ADCY2: variants seen among roughly 807,000 people sequenced by gnomAD.
ADCY2 encodes the protein adenylate cyclase 2.
ADCY2 carries 31 observed loss-of-function variants against 125.2 expected under a neutral mutation model. The ratio of observed to expected loss-of-function variants is 0.25; its 90% CI spans 0.19 to 0.33. ADCY2 has a LOEUF of 0.33. Among genes scored for constraint, ADCY2 ranks in the 10% least tolerant of loss-of-function variants. The pLI is 1.00. For missense variants in ADCY2, 904 were observed against 1,418.2 expected (o/e 0.64, Z 5.82); for synonymous variants, 512 against 548.4 (o/e 0.93, Z 0.93).
chr5:7,739,722 TAA>T, intron 14 of ADCY2, among the ~76,000 whole-genome samples: 1 of 151,606 alleles, frequency 6.6e-6, no homozygotes, highest in Non-Finnish European at 1.5e-5. Context: ...ACTAACAATT[TAA>T]GGGAAAAAAG....
At position 7,757,476 on chromosome 5, in the gene ADCY2, C is replaced by T; in HGVS notation, c.1984C>T (p.Leu662Phe). 1 of 1,614,156 alleles carries T rather than the reference C, an allele frequency of 6.2e-7. No individual in the cohort carries two copies. Among genetic ancestry groups the T allele is most frequent in the Non-Finnish European group, 8.5e-7 (1 of 1,180,012 alleles). ...LQCSKKASPL[L>F]MWLLKSSGII... ...ATGCAGCAAAAAAGCCTCTCCCCTG[C>T]TCATGTGGCTTTTGAAGTCCTCGGG... Residue 662 changes from leucine (L) to phenylalanine (F), a missense_variant, in exon 16 of 25, where the codon CTC becomes TTC. Around this residue, in one of 7 missense-constraint regions of ADCY2, gnomAD observed 221 missense variants for 246.2 expected, o/e 0.90. Coordinates refer to ENST00000338316, the MANE Select transcript of ADCY2 (RefSeq NM_020546.3).
In ADCY2 at chr5:7,766,694, T is replaced by C. The variant is rs765685381; in HGVS notation, c.2102T>C (p.Leu701Pro). The C allele has an allele frequency of 3.5e-5, 57 of 1,609,996 alleles. No individual in the cohort carries two copies. Among genetic ancestry groups the C allele is most frequent in the Non-Finnish European group, 4.7e-5 (56 of 1,179,014 alleles). Residue 701 changes from leucine (L) to proline (P), a missense_variant, in exon 17 of 25, where the codon CTG (leucine) becomes CCG (proline). Physicochemically the swap from Leu to Pro is moderately conservative, Grantham distance 98. Transcript: ENST00000338316. ...AAAACCTTCTCTTTGCAGTTTTTCC[T>C]GAGTGACTCAGAGGAAACAATCCCT... is the stretch of plus-strand genomic sequence containing the variant. ...LMMAVFNMFF[L>P]SDSEETIPPT... is the part of the protein sequence containing the mutation.
intron 3 of ADCY2, among the ~76,000 whole-genome samples, chr5:7,559,921 C>A (rs751068938): frequency 6.6e-6 from 1 of 152,142 alleles, no homozygotes; most frequent in Non-Finnish European, 1.5e-5. Context: ...GTAGTGAGTT[C>A]TCCCAAGGAG....
chr5:7,524,031 TCTC>T (rs1360214571), intron 3 of ADCY2, among the ~76,000 whole-genome samples: 7 of 151,998 alleles, frequency 4.6e-5, no homozygotes, highest in Admixed American at 3.3e-4. Flanking sequence ...AAATCCATAT[TCTC>T]CTTCCCTGCT....
chr5:7,669,040 G>A (rs1478671733), intron 4 of ADCY2, among the ~76,000 whole-genome samples: 7 of 152,192 alleles, frequency 4.6e-5, no homozygotes, highest in African/African-American at 1.7e-4. Context: ...CAGCCATCCT[G>A]GGCCTGATGG....
chr5:7,503,082 G>T (rs1373831637), intron 2 of ADCY2, among the ~76,000 whole-genome samples: 2 of 152,088 alleles, frequency 1.3e-5, no homozygotes, highest in South Asian at 2.1e-4. Flanking sequence ...TGCTCCCCTT[G>T]TATCCAGTGT....
At chr5:7,413,738 G>T (rs1739822678) in intron 1 of ADCY2, among the ~76,000 whole-genome samples, 1 of 152,114 alleles carries the variant, frequency 6.6e-6, no homozygotes, top group African/African-American at 2.4e-5. Context: ...TTTTGCAGAA[G>T]CTAAAGCCTA....
intron 2 of ADCY2, among the ~76,000 whole-genome samples, chr5:7,498,094 C>T (rs1023095197): frequency 3.3e-5 from 5 of 151,196 alleles, no homozygotes; most frequent in African/African-American, 1.2e-4. Context: ...TCTGTAGATC[C>T]GAGAGTAAAA....
At chr5:7,603,372 G>A (rs1385282320) in intron 3 of ADCY2, among the ~76,000 whole-genome samples, 1 of 152,328 alleles carries the variant, frequency 6.6e-6, no homozygotes, top group Admixed American at 6.5e-5. Flanking sequence ...GGTTGTGCTG[G>A]TGTTCACATG....
chr5:7,712,956 G>T, intron 11 of ADCY2, 57 bp downstream of exon 11: 2 of 1,280,820 alleles, frequency 1.6e-6, no homozygotes, highest in Non-Finnish European at 2.2e-6. Context: ...TCATTTCTGA[G>T]AGTAATTATC....
intron 1 of ADCY2, among the ~76,000 whole-genome samples, chr5:7,413,613 T>C (rs1039179115): frequency 6.7e-6 from 1 of 149,648 alleles, no homozygotes; most frequent in African/African-American, 2.4e-5. Flanking sequence ...TTTTTTTTAA[T>C]AGAAGTGTCT....
chr5:7,418,565 C>T (rs1192490310), intron 2 of ADCY2, among the ~76,000 whole-genome samples: 1 of 151,848 alleles, frequency 6.6e-6, no homozygotes, highest in East Asian at 1.9e-4. Context: ...GTCTGAAGTC[C>T]TGCCCAACAC....
chr5:7,640,903 A>G (rs1304809035), intron 4 of ADCY2, among the ~76,000 whole-genome samples: 1 of 152,212 alleles, frequency 6.6e-6, no homozygotes, highest in Non-Finnish European at 1.5e-5. Flanking sequence ...AGCTAATATG[A>G]TTATCCAGCT....
intron 4 of ADCY2, among the ~76,000 whole-genome samples, chr5:7,638,698 G>A (rs1179185436): frequency 6.6e-6 from 1 of 152,184 alleles, no homozygotes; most frequent in Non-Finnish European, 1.5e-5. Context: ...GATCCCGGAT[G>A]AAGTGACTCA....
chr5:7,598,945 T>C (rs760034308), intron 3 of ADCY2, among the ~76,000 whole-genome samples: 1 of 152,218 alleles, frequency 6.6e-6, no homozygotes, highest in African/African-American at 2.4e-5. Context: ...ATTTTTTGTG[T>C]GAAGATGCTG....
At chr5:7,611,385 C>T (rs1737567784) in intron 3 of ADCY2, among the ~76,000 whole-genome samples, 1 of 152,062 alleles carries the variant, frequency 6.6e-6, no homozygotes, top group Non-Finnish European at 1.5e-5. Context: ...TGTGCCCACT[C>T]TTTATTAAGG....
chr5:7,743,085 T>G (rs1455653240), intron 14 of ADCY2, among the ~76,000 whole-genome samples: 1 of 152,198 alleles, frequency 6.6e-6, no homozygotes, highest in African/African-American at 2.4e-5. Context: ...TCAGTAGGCA[T>G]GTTTTTCACA....
At chr5:7,412,787 A>G (rs1022456612) in intron 1 of ADCY2, among the ~76,000 whole-genome samples, 1 of 152,202 alleles carries the variant, frequency 6.6e-6, no homozygotes, top group East Asian at 1.9e-4. Flanking sequence ...TGTCTCACCC[A>G]CCAGCTGGAC....
At chr5:7,783,010 TTGGTG>T (rs1361930669) in intron 18 of ADCY2, among the ~76,000 whole-genome samples, 2 of 152,116 alleles carry the variant, frequency 1.3e-5, no homozygotes, top group African/African-American at 4.8e-5. Flanking sequence ...TGCGGCAGGT[TTGGTG>T]GGGAGGAAAG....
Sources: allele counts gnomAD v4.1 joint callset (sites outside exome capture counted in the v4.1 genomes callset), GRCh38; gene constraint gnomAD v4.1.1; regional missense constraint gnomAD v4.1.1; transcripts MANE v1.5; gene names NCBI Gene and HGNC (gene_info 2026-07-23, HGNC 2026-07-21).